MARCHF1: variants seen among roughly 807,000 people sequenced by gnomAD.
MARCHF1 encodes E3 ubiquitin-protein ligase MARCHF1.
Under a neutral mutation model 54.2 loss-of-function variants are expected in MARCHF1, and 40 were observed. The observed-to-expected ratio is 0.74, with a 90% CI of 0.57 to 0.96. The LOEUF (loss-of-function observed/expected upper bound fraction) is 0.96, where lower values mean the gene tolerates loss of function less well. MARCHF1 is among the 40% of genes least tolerant of loss of function. The probability of loss-of-function intolerance (pLI) is 0.00; values close to 1 mark genes in which losing one functional copy is unlikely to be tolerated. For missense variants in MARCHF1, 586 were observed against 656.5 expected (o/e 0.89, Z 1.17); for synonymous variants, 236 against 236.3 (o/e 1.00, Z 0.01).
chr4:164,361,569 T>C (rs1730722954), intron 1 of MARCHF1, among the ~76,000 whole-genome samples: 1 of 152,158 alleles, frequency 6.6e-6, no homozygotes, highest in African/African-American at 2.4e-5. Context: ...TCTCTCATTT[T>C]TGTATATATT....
chr4:164,023,109 G>C (rs919262302), intron 2 of MARCHF1, among the ~76,000 whole-genome samples: 1 of 152,346 alleles, frequency 6.6e-6, no homozygotes, highest in South Asian at 2.1e-4. Flanking sequence ...AGAGCACAGA[G>C]AGGGGTGAGG....
intron 3 of MARCHF1, among the ~76,000 whole-genome samples, chr4:163,882,179 T>A (rs939446910): frequency 6.6e-6 from 1 of 152,232 alleles, no homozygotes; most frequent in Non-Finnish European, 1.5e-5. Context: ...AAAGTCTTTT[T>A]AAAAAGTTCA....
At chr4:164,117,807 G>A (rs548459933) in intron 1 of MARCHF1, among the ~76,000 whole-genome samples, 13 of 152,032 alleles carry the variant, frequency 8.6e-5, no homozygotes, top group South Asian at 2.1e-4. Flanking sequence ...GGCTGAGGCC[G>A]GAGAATTACC....
At chr4:164,039,181 A>G (rs114225387) in intron 2 of MARCHF1, among the ~76,000 whole-genome samples, 1,613 of 152,286 alleles carry the variant, frequency 0.011, 36 homozygotes, top group African/African-American at 0.037. Context: ...AGCTCTGTAT[A>G]TTTGTTTCAC....
At chr4:164,235,818 T>C (rs1044880229) in intron 1 of MARCHF1, among the ~76,000 whole-genome samples, 1 of 152,084 alleles carries the variant, frequency 6.6e-6, no homozygotes, top group Non-Finnish European at 1.5e-5. Context: ...ATGGGTGTAC[T>C]ACAATCTCAG....
intron 9 of MARCHF1, among the ~76,000 whole-genome samples, chr4:163,541,931 A>T (rs1738735452): frequency 6.6e-6 from 1 of 152,244 alleles, no homozygotes; most frequent in Admixed American, 6.5e-5. Flanking sequence ...ATATAATTTG[A>T]ACATAAATAC....
At chr4:163,628,104 ATTG>A (rs1741937388) in intron 5 of MARCHF1, among the ~76,000 whole-genome samples, 1 of 152,182 alleles carries the variant, frequency 6.6e-6, no homozygotes, top group Admixed American at 6.5e-5. Flanking sequence ...AATTAAAAAA[ATTG>A]TTGTTTGAAA....
intron 4 of MARCHF1, among the ~76,000 whole-genome samples, chr4:163,704,643 A>G (rs1193700275): frequency 6.6e-6 from 1 of 151,696 alleles, no homozygotes; most frequent in Non-Finnish European, 1.5e-5. Context: ...CTTTTATATA[A>G]TACTTGGTCC....
chr4:164,036,891 C>T (rs886464189), intron 2 of MARCHF1, among the ~76,000 whole-genome samples: 1 of 152,058 alleles, frequency 6.6e-6, no homozygotes, highest in African/African-American at 2.4e-5. Context: ...TATATGCATA[C>T]CAAATGACTC....
intron 3 of MARCHF1, among the ~76,000 whole-genome samples, chr4:163,864,059 C>T (rs957435049): frequency 6.6e-6 from 1 of 151,920 alleles, no homozygotes; most frequent in African/African-American, 2.4e-5. Context: ...AGGAGAAAGA[C>T]AGTCTCTTGT....
intron 1 of MARCHF1, among the ~76,000 whole-genome samples, chr4:164,137,527 G>T (rs921298045): frequency 1.3e-5 from 2 of 152,082 alleles, no homozygotes; most frequent in African/African-American, 4.8e-5. Context: ...AGCGGAAAAT[G>T]CGTTTCAGAT....
chr4:164,327,334 CTT>C (rs536767807), intron 1 of MARCHF1, among the ~76,000 whole-genome samples: 3 of 152,048 alleles, frequency 2.0e-5, no homozygotes, highest in South Asian at 4.2e-4. Context: ...TGAGACGAGT[CTT>C]AAAGAATGGA....
chr4:163,744,782 G>A (rs1316894758), intron 4 of MARCHF1, among the ~76,000 whole-genome samples: 2 of 152,016 alleles, frequency 1.3e-5, no homozygotes, highest in Non-Finnish European at 2.9e-5. Flanking sequence ...CATTTCACAG[G>A]ATTGAGTCAA....
At chr4:163,776,238 C>A (rs1310816744) in intron 4 of MARCHF1, among the ~76,000 whole-genome samples, 1 of 152,010 alleles carries the variant, frequency 6.6e-6, no homozygotes, top group Non-Finnish European at 1.5e-5. Flanking sequence ...AAGGAACTTG[C>A]TTACGGTCAA....
chr4:163,554,501 A>G (rs1739220457), intron 8 of MARCHF1, among the ~76,000 whole-genome samples: 1 of 152,230 alleles, frequency 6.6e-6, no homozygotes, highest in Non-Finnish European at 1.5e-5. Flanking sequence ...CGAACAGGCT[A>G]GAAGCCACAT....
chr4:163,653,402 T>C (rs1743036317), intron 5 of MARCHF1, among the ~76,000 whole-genome samples: 1 of 151,776 alleles, frequency 6.6e-6, no homozygotes, highest in Non-Finnish European at 1.5e-5. Flanking sequence ...GCTTTGAGCA[T>C]GGTAGTGACA....
At chr4:163,693,801 G>GAAAT (rs1744536182) in intron 5 of MARCHF1, among the ~76,000 whole-genome samples, 1 of 152,146 alleles carries the variant, frequency 6.6e-6, no homozygotes, top group Non-Finnish European at 1.5e-5. Flanking sequence ...TTGAACAATG[G>GAAAT]AACTAACTCA....
Position 163,676,064 on chromosome 4 carries a change from C to T in MARCHF1, c.162+24749G>A, listed in dbSNP as rs559530430. ...CTATGTCAGAAATCAGAAGATTGGCCGGGTGTGGTGGTTCATGTCTGAAAT... is the reference window on the plus strand; with the variant it reads ...CTATGTCAGAAATCAGAAGATTGGCTGGGTGTGGTGGTTCATGTCTGAAAT... On this transcript the variant is annotated intron_variant, in intron 5 of 9. Coordinates refer to ENST00000514618, the MANE Select transcript of MARCHF1 (RefSeq NM_001394959.1). Among the ~76,000 whole-genome samples, 13 of 151,202 alleles carry T rather than the reference C, an allele frequency of 8.6e-5. No homozygotes were observed. In the East Asian group the frequency reaches 9.7e-4, roughly 11 times the overall value.
At chr4:163,551,033 G>A (rs1337517650) in intron 8 of MARCHF1, among the ~76,000 whole-genome samples, 1 of 152,166 alleles carries the variant, frequency 6.6e-6, no homozygotes, top group East Asian at 1.9e-4. Flanking sequence ...GGTGACCTCC[G>A]TGGAGTTTAT....
Sources: allele counts gnomAD v4.1 joint callset (sites outside exome capture counted in the v4.1 genomes callset), GRCh38; gene constraint gnomAD v4.1.1; transcripts MANE v1.5; gene names NCBI Gene and HGNC (gene_info 2026-07-23, HGNC 2026-07-21).